Variants in DOCK4 observed in about 807,000 individuals in gnomAD.
DOCK4 encodes the protein dedicator of cytokinesis protein 4.
DOCK4 carries 97 observed loss-of-function variants against 268.1 expected under a neutral mutation model. The observed-to-expected ratio is 0.36, with a 90% confidence interval of 0.31 to 0.43. The LOEUF is 0.43. Ranked by LOEUF, DOCK4 falls within the 20% of genes least tolerant of loss-of-function variation. The probability of loss-of-function intolerance (pLI) is 1.00; values close to 1 mark genes in which losing one functional copy is unlikely to be tolerated. For synonymous variants in DOCK4, 954 were observed against 887.2 expected (o/e 1.08, Z -1.34); for missense variants, 2,145 against 2,455.7 (o/e 0.87, Z 2.67).
At chr7:112,057,766 C>G (rs552795959) in intron 1 of DOCK4, among the ~76,000 whole-genome samples, 1 of 151,538 alleles carries the variant, frequency 6.6e-6, no homozygotes, top group Non-Finnish European at 1.5e-5. Flanking sequence ...CAGAGCAAGA[C>G]CCTGTCTTTA....
intron 32 of DOCK4, 91 bp from the exon 33 acceptor site, chr7:111,784,214 T>C: frequency 8.0e-6 from 11 of 1,370,678 alleles, no homozygotes; most frequent in Non-Finnish European, 1.1e-5. Flanking sequence ...ATTTTCAAAA[T>C]ATACAAGCAT....
chr7:112,052,049 T>C (rs1266237747), intron 1 of DOCK4, among the ~76,000 whole-genome samples: 1 of 152,158 alleles, frequency 6.6e-6, no homozygotes, highest in Non-Finnish European at 1.5e-5. Flanking sequence ...TATTTGCATA[T>C]GACCTATGAA....
At chr7:112,176,996 G>C (rs902814389) in intron 1 of DOCK4, among the ~76,000 whole-genome samples, 5 of 152,186 alleles carry the variant, frequency 3.3e-5, no homozygotes, top group African/African-American at 1.2e-4. Flanking sequence ...TAATGAGGTA[G>C]AATGAGGGAA....
At chr7:112,201,795 CT>C (rs1203615171) in intron 1 of DOCK4, among the ~76,000 whole-genome samples, 6 of 152,118 alleles carry the variant, frequency 3.9e-5, no homozygotes, top group Non-Finnish European at 5.9e-5. Context: ...CATGTTCCCC[CT>C]GTCTCACCAA....
intron 39 of DOCK4, 72 bp from the exon 40 acceptor site, chr7:111,760,394 A>G (rs1797308666): frequency 6.7e-7 from 1 of 1,493,846 alleles, no homozygotes. Context: ...AAAAAACATG[A>G]CACTGGCAGT....
intron 1 of DOCK4, among the ~76,000 whole-genome samples, chr7:112,112,325 C>T (rs1201236827): frequency 2.6e-5 from 4 of 152,188 alleles, no homozygotes; most frequent in Admixed American, 6.5e-5. Flanking sequence ...TGGTTGTAAG[C>T]TTCCTGAGGC....
At chr7:112,203,378 G>A (rs1821113161) in intron 1 of DOCK4, among the ~76,000 whole-genome samples, 1 of 152,088 alleles carries the variant, frequency 6.6e-6, no homozygotes. Context: ...ATGGGACGGT[G>A]CCTATACATC....
intron 4 of DOCK4, 130 bp from the exon 5 acceptor site, chr7:111,994,361 T>TC: frequency 3.7e-6 from 2 of 546,106 alleles, no homozygotes; most frequent in Non-Finnish European, 6.4e-6. Flanking sequence ...GTAACCAGGA[T>TC]CTGGTTATAA....
intron 1 of DOCK4, among the ~76,000 whole-genome samples, chr7:112,013,343 C>T (rs1801512740): frequency 6.6e-6 from 1 of 152,182 alleles, no homozygotes; most frequent in African/African-American, 2.4e-5. Context: ...ATGACTAAGC[C>T]AATTTCCAAT....
intron 37 of DOCK4, 115 bp downstream of exon 37, chr7:111,769,414 A>T: frequency 7.6e-7 from 1 of 1,308,040 alleles, no homozygotes; most frequent in Non-Finnish European, 1.1e-6. Context: ...AATATACATT[A>T]AGATGTGAGG....
rs1808406463 is a variant in DOCK4 at position 112,079,672 on chromosome 7, A to T, written c.38-75541T>A. ...TGGTACTTTAAGAGTTGACAAAGAG[A>T]TGTGGTTATGGTTAAGCTAATCAAC... On this transcript the variant is annotated intron_variant, in intron 1 of 52. Coordinates refer to ENST00000428084, the MANE Select transcript of DOCK4 (RefSeq NM_001363540.2). 4.6e-5 allele frequency among the ~76,000 whole-genome samples: 7 copies of T among 152,280 alleles called. No homozygotes were observed. The South Asian group carries it at 1.5e-3, about 32-fold the overall frequency.
At chr7:111,877,731 A>C (rs574378631) in intron 16 of DOCK4, among the ~76,000 whole-genome samples, 1 of 152,358 alleles carries the variant, frequency 6.6e-6, no homozygotes, top group Non-Finnish European at 1.5e-5. Flanking sequence ...TTTCATAGAA[A>C]ACGCCAGCTA....
At chr7:111,731,506 G>A (rs937791617) in intron 52 of DOCK4, among the ~76,000 whole-genome samples, 2 of 151,148 alleles carry the variant, frequency 1.3e-5, no homozygotes, top group African/African-American at 4.9e-5. Context: ...AATCTCTCAC[G>A]TACTGACAAT....
At chr7:111,961,738 C>G (rs117524593) in intron 8 of DOCK4, among the ~76,000 whole-genome samples, 2,477 of 152,218 alleles carry the variant, frequency 0.016, 38 homozygotes, top group Middle Eastern at 0.034. Flanking sequence ...GAAAACATTC[C>G]TCTTAAGTTT....
At chr7:111,936,490 ATGG>A (rs1562910771) in intron 11 of DOCK4, among the ~76,000 whole-genome samples, 1,928 of 90,566 alleles carry the variant, frequency 0.021, 50 homozygotes, top group African/African-American at 0.12. Flanking sequence ...GTATGAATGG[ATGG>A]ATGGATGGAT....
At chr7:111,900,560 G>A (rs753959645) in intron 14 of DOCK4, 24 bp from the exon 15 acceptor site, 2 of 1,595,960 alleles carry the variant, frequency 1.3e-6, no homozygotes, top group Non-Finnish European at 1.7e-6. Context: ...GAACACACAG[G>A]TTAAAGAGAG....
chr7:111,852,302 C>T (rs1804640210), intron 23 of DOCK4, among the ~76,000 whole-genome samples: 1 of 151,998 alleles, frequency 6.6e-6, no homozygotes, highest in Non-Finnish European at 1.5e-5. Context: ...CACTGGGTTA[C>T]CAAAATAACC....
intron 1 of DOCK4, among the ~76,000 whole-genome samples, chr7:112,021,687 A>C (rs1802331961): frequency 6.6e-6 from 1 of 152,186 alleles, no homozygotes; most frequent in South Asian, 2.1e-4. Flanking sequence ...GCTTCCTTCA[A>C]GTTTATGTAT....
intron 1 of DOCK4, among the ~76,000 whole-genome samples, chr7:112,040,592 G>A (rs1443488577): frequency 6.6e-6 from 1 of 152,154 alleles, no homozygotes; most frequent in African/African-American, 2.4e-5. Flanking sequence ...ATAGGTAGAT[G>A]ATGAGCCACG....
Sources: allele counts gnomAD v4.1 joint callset (sites outside exome capture counted in the v4.1 genomes callset), GRCh38; gene constraint gnomAD v4.1.1; transcripts MANE v1.5; gene names NCBI Gene and HGNC (gene_info 2026-07-23, HGNC 2026-07-21).